ZDHHC14: variants seen among roughly 807,000 people sequenced by gnomAD.
ZDHHC14 encodes palmitoyltransferase ZDHHC14.
ZDHHC14 carries 16 observed loss-of-function variants against 47.7 expected under a neutral mutation model. The observed-to-expected ratio is 0.34, with a 90% CI of 0.23 to 0.51. ZDHHC14 has a LOEUF of 0.51. Ranked by LOEUF, ZDHHC14 falls within the 20% of genes least tolerant of loss-of-function variation. The probability of loss-of-function intolerance (pLI) is 0.97; values close to 1 mark genes in which losing one functional copy is unlikely to be tolerated. For missense variants in ZDHHC14, 515 were observed against 662.5 expected (o/e 0.78, Z 2.44); for synonymous variants, 293 against 278.9 (o/e 1.05, Z -0.50).
intron 1 of ZDHHC14, among the ~76,000 whole-genome samples, chr6:157,405,515 A>G (rs909649626): frequency 5.9e-5 from 9 of 152,160 alleles, no homozygotes; most frequent in Non-Finnish European, 1.2e-4. Context: ...TACAGGCGTG[A>G]GCCACCGTGC....
chr6:157,539,231 G>A (rs1476759235), intron 1 of ZDHHC14, among the ~76,000 whole-genome samples: 2 of 152,018 alleles, frequency 1.3e-5, no homozygotes, highest in African/African-American at 2.4e-5. Flanking sequence ...GCAACAAAGT[G>A]TTTCTACAAA....
At chr6:157,617,307 A>G (rs563364676) in intron 3 of ZDHHC14, among the ~76,000 whole-genome samples, 4 of 152,242 alleles carry the variant, frequency 2.6e-5, no homozygotes, top group Admixed American at 6.5e-5. Context: ...TATCTTAACA[A>G]TAATAGTAAC....
At chr6:157,600,205 C>T (rs1784286446) in intron 3 of ZDHHC14, among the ~76,000 whole-genome samples, 1 of 152,082 alleles carries the variant, frequency 6.6e-6, no homozygotes. Flanking sequence ...AATAAAACCC[C>T]CACCCTTATT....
chr6:157,530,316 C>G (rs777152483), intron 1 of ZDHHC14, among the ~76,000 whole-genome samples: 1 of 152,150 alleles, frequency 6.6e-6, no homozygotes, highest in East Asian at 1.9e-4. Context: ...ACATCAGGGC[C>G]GAGAAATGCT....
intron 7 of ZDHHC14, 77 bp from the exon 8 acceptor site, chr6:157,653,448 C>T (rs903258426): frequency 4.5e-5 from 68 of 1,511,938 alleles, no homozygotes; most frequent in Admixed American, 1.9e-4. Flanking sequence ...AGCCCCGACG[C>T]GGAACCTGAG....
chr6:157,514,686 T>C (rs1223113078), intron 1 of ZDHHC14, among the ~76,000 whole-genome samples: 1 of 152,250 alleles, frequency 6.6e-6, no homozygotes, highest in Non-Finnish European at 1.5e-5. Flanking sequence ...GTTTGAGCCC[T>C]GCAGCCTCTT....
chr6:157,467,403 C>T (rs1779244908), intron 1 of ZDHHC14, among the ~76,000 whole-genome samples: 1 of 152,144 alleles, frequency 6.6e-6, no homozygotes, highest in Non-Finnish European at 1.5e-5. Flanking sequence ...CTGGACGTTT[C>T]AGATAAATGG....
At chr6:157,543,446 A>G (rs540536268) in intron 2 of ZDHHC14, among the ~76,000 whole-genome samples, 229 of 152,306 alleles carry the variant, frequency 1.5e-3, no homozygotes, top group South Asian at 8.3e-3. Context: ...AAATTTCACA[A>G]GCATGGCAGA....
At chr6:157,525,076 C>G (rs1352699066) in intron 1 of ZDHHC14, among the ~76,000 whole-genome samples, 3 of 152,192 alleles carry the variant, frequency 2.0e-5, no homozygotes, top group African/African-American at 7.2e-5. Context: ...GGATTCTCCT[C>G]TCAGCTCACT....
At chr6:157,511,534 C>T (rs1228091739) in intron 1 of ZDHHC14, among the ~76,000 whole-genome samples, 5 of 141,230 alleles carry the variant, frequency 3.5e-5, no homozygotes, top group Admixed American at 7.2e-5. Context: ...GCATGCGCCA[C>T]GAAGCCCGGG....
chr6:157,599,175 G>A (rs1426766491), intron 3 of ZDHHC14, among the ~76,000 whole-genome samples: 4 of 152,206 alleles, frequency 2.6e-5, no homozygotes, highest in African/African-American at 9.6e-5. Context: ...GTTAATCTAA[G>A]CAGAAGAGGA....
intron 2 of ZDHHC14, among the ~76,000 whole-genome samples, chr6:157,554,818 C>T (rs1782389684): frequency 6.6e-6 from 1 of 152,200 alleles, no homozygotes; most frequent in South Asian, 2.1e-4. Context: ...AGAGATCTAT[C>T]AAGAATCACA....
chr6:157,382,627 C>CCAGAT (rs1240186827), intron 1 of ZDHHC14, among the ~76,000 whole-genome samples: 2 of 152,130 alleles, frequency 1.3e-5, no homozygotes, highest in African/African-American at 4.8e-5. Flanking sequence ...TGTAGCCTGC[C>CCAGAT]GTGGGAAGGT....
intron 1 of ZDHHC14, among the ~76,000 whole-genome samples, chr6:157,516,308 A>T (rs1054320692): frequency 5.9e-5 from 9 of 152,228 alleles, no homozygotes; most frequent in Admixed American, 5.9e-4. Context: ...GAACATCCGT[A>T]TATAGCATTG....
At chr6:157,438,545 C>T (rs1778491105) in intron 1 of ZDHHC14, among the ~76,000 whole-genome samples, 1 of 152,222 alleles carries the variant, frequency 6.6e-6, no homozygotes, top group Non-Finnish European at 1.5e-5. Flanking sequence ...CAGCACAATG[C>T]TGAAACCCCC....
intron 1 of ZDHHC14, among the ~76,000 whole-genome samples, chr6:157,388,037 A>G (rs979284845): frequency 6.6e-6 from 1 of 152,242 alleles, no homozygotes; most frequent in African/African-American, 2.4e-5. Context: ...TTAATTATTT[A>G]GAAAACTAGT....
intron 1 of ZDHHC14, among the ~76,000 whole-genome samples, chr6:157,436,616 A>G (rs1292871136): frequency 6.6e-6 from 1 of 151,870 alleles, no homozygotes; most frequent in African/African-American, 2.4e-5. Context: ...TGCAGGAATA[A>G]TGTGATGATG....
At chr6:157,603,047 C>G (rs1784395478) in intron 3 of ZDHHC14, among the ~76,000 whole-genome samples, 2 of 152,214 alleles carry the variant, frequency 1.3e-5, no homozygotes, top group African/African-American at 4.8e-5. Context: ...CATCGTCCCC[C>G]TGGGTGTCTG....
At chr6:157,535,676 C>T (rs1781523246) in intron 1 of ZDHHC14, among the ~76,000 whole-genome samples, 1 of 152,184 alleles carries the variant, frequency 6.6e-6, no homozygotes, top group South Asian at 2.1e-4. Flanking sequence ...CACGATTAGT[C>T]ACTAATCGTG....
Sources: gnomAD v4.1 joint callset for allele counts (sites outside exome capture counted in the v4.1 genomes callset) on GRCh38, gnomAD v4.1.1 for gene constraint, MANE v1.5 for transcripts, NCBI Gene and HGNC (gene_info 2026-07-23, HGNC 2026-07-21) for gene names.